The following RPTOR variants were observed in gnomAD, a reference collection of about 807,000 sequenced individuals.
RPTOR encodes regulatory associated protein of MTOR complex 1.
RPTOR carries 21 observed loss-of-function variants against 169.9 expected under a neutral mutation model. That is an observed-to-expected ratio of 0.12 (90% CI 0.09 to 0.18). RPTOR has a LOEUF of 0.18. Among genes scored for constraint, RPTOR ranks in the 10% least tolerant of loss-of-function variants. The pLI is 1.00. For missense variants in RPTOR, 1,133 were observed against 1,855.9 expected, an observed-to-expected ratio of 0.61 and a Z score of 7.16; for synonymous variants, 732 against 753.2, an observed-to-expected ratio of 0.97 and a Z score of 0.46.
intron 12 of RPTOR, among the ~76,000 whole-genome samples, chr17:80,857,548 C>G (rs2067867528): frequency 6.6e-6 from 1 of 152,222 alleles, no homozygotes. Flanking sequence ...AAGCTGCCAC[C>G]CGATTCATTC....
rs140815019 is a variant in RPTOR, at chr17:80,834,461, G to A, written c.1137-3461G>A. Reference sequence around the variant, plus strand: ...TCCTCCTGGGCTTTGTGTCATCCCCGCAGCCTCCTGAGCCTCTGTGCATCA... The same window carrying A: ...TCCTCCTGGGCTTTGTGTCATCCCCACAGCCTCCTGAGCCTCTGTGCATCA... On this transcript the variant is annotated intron_variant, in intron 9 of 33. Transcript: ENST00000306801. Among the ~76,000 whole-genome samples, 50 of 152,240 alleles carry A rather than the reference G, an allele frequency of 3.3e-4. 1 individual carries two copies. In the South Asian group the frequency reaches 9.8e-3, roughly 30 times the overall value.
intron 3 of RPTOR, among the ~76,000 whole-genome samples, chr17:80,671,133 A>G (rs1399016085): frequency 6.6e-6 from 1 of 152,052 alleles, no homozygotes; most frequent in African/African-American, 2.4e-5. Context: ...TCCAAGTCAC[A>G]TCCTGCTTCC....
intron 6 of RPTOR, among the ~76,000 whole-genome samples, chr17:80,755,929 A>G (rs1450617804): frequency 6.6e-6 from 1 of 152,150 alleles, no homozygotes; most frequent in Non-Finnish European, 1.5e-5. Flanking sequence ...GCAAAACTAG[A>G]CACCTGAGTA....
intron 6 of RPTOR, among the ~76,000 whole-genome samples, chr17:80,763,768 C>T (rs915740958): frequency 3.3e-5 from 5 of 152,108 alleles, no homozygotes; most frequent in South Asian, 2.1e-4. Context: ...GCAGACCACA[C>T]GCAATGAAGC....
At chr17:80,926,221 C>G (rs2068810171) in intron 24 of RPTOR, among the ~76,000 whole-genome samples, 3 of 152,230 alleles carry the variant, frequency 2.0e-5, no homozygotes, top group African/African-American at 7.2e-5. Flanking sequence ...AGCTCAGTCC[C>G]TGTGGTCCTG....
chr17:80,879,899 C>T (rs1385327595), intron 13 of RPTOR, among the ~76,000 whole-genome samples: 1 of 152,238 alleles, frequency 6.6e-6, no homozygotes, highest in Non-Finnish European at 1.5e-5. Context: ...CAAGTGGGGC[C>T]AGTGGGAAGC....
At chr17:80,932,783 C>T (rs1317581693) in intron 24 of RPTOR, among the ~76,000 whole-genome samples, 1 of 152,034 alleles carries the variant, frequency 6.6e-6, no homozygotes, top group African/African-American at 2.4e-5. Context: ...AGCAAAGATC[C>T]CAAATCATGG....
At chr17:80,911,575 G>C (rs1362456204) in intron 21 of RPTOR, among the ~76,000 whole-genome samples, 1 of 152,124 alleles carries the variant, frequency 6.6e-6, no homozygotes, top group African/African-American at 2.4e-5. Flanking sequence ...CTTGAGCCCA[G>C]GTGTTTTGAG....
At position 80,891,777 on chromosome 17, in the gene RPTOR, G is replaced by A. The variant is rs1329273227; in HGVS notation, c.2041G>A (p.Val681Met). Residue 681 changes from valine to methionine, a missense_variant, in exon 18 of 34, where the codon GTG becomes ATG. Coordinates refer to ENST00000306801, the MANE Select transcript of RPTOR (RefSeq NM_020761.3). ...VVQYESNFCT[V>M]ALQFIEEEKN... ...TCAGTATGAAAGCAATTTCTGCACCGTGGCCCTGCAGTTCATAGAAGAGGA... is the reference window on the plus strand; with the variant it reads ...TCAGTATGAAAGCAATTTCTGCACCATGGCCCTGCAGTTCATAGAAGAGGA... The A allele has an allele frequency of 4.3e-6, 7 of 1,613,940 alleles. No individual in the cohort carries two copies. The highest frequency in any genetic ancestry group is 1.7e-5 in the Admixed American group (1 of 59,992).
intron 5 of RPTOR, among the ~76,000 whole-genome samples, chr17:80,732,990 A>G (rs1486295096): frequency 1.3e-5 from 2 of 152,260 alleles, no homozygotes; most frequent in Admixed American, 1.3e-4. Context: ...GATTAAATAT[A>G]ATGCAAGAAA....
At position 80,633,712 on chromosome 17, in the gene RPTOR, GA is replaced by G. The variant is rs2143558677; in HGVS notation, c.265+7920del. Reference sequence around the variant, plus strand: ...GTATTTTCGGGAAGAAGTGCTTTGAGATTGTGCAAATATTCCTTTCCTCGTG... The same window carrying G: ...GTATTTTCGGGAAGAAGTGCTTTGAGTTGTGCAAATATTCCTTTCCTCGTG... On this transcript the variant is annotated intron_variant, in intron 2 of 33. Coordinates refer to ENST00000306801, the MANE Select transcript of RPTOR (RefSeq NM_020761.3). The surrounding 1 kb of genome is among the most constrained non-coding windows in gnomAD (Gnocchi z 4.1). Among the ~76,000 whole-genome samples the G allele has an allele frequency of 6.6e-6, 1 of 152,356 alleles. No individual in the cohort carries two copies. The highest frequency in any genetic ancestry group is 1.9e-4 in the East Asian group (1 of 5,184).
In RPTOR at chr17:80,767,904, G is replaced by T. The variant is rs866303750; in HGVS notation, c.830+13719G>T. On this transcript the variant is annotated intron_variant, in intron 6 of 33. Coordinates refer to ENST00000306801, the MANE Select transcript of RPTOR (RefSeq NM_020761.3). ...TTTTGAGACAGAGTCTTGCTGTGTCGCCAGGCTGGAGTGCAGTGGTGCAAT... is the reference window on the plus strand; with the variant it reads ...TTTTGAGACAGAGTCTTGCTGTGTCTCCAGGCTGGAGTGCAGTGGTGCAAT... Among the ~76,000 whole-genome samples the T allele has an allele frequency of 5.3e-5, 8 of 151,734 alleles. No homozygotes were observed. The South Asian group carries it at 6.3e-4, about 12-fold the overall frequency.
rs561622160 is a variant in RPTOR, at chr17:80,642,206, G to A, written c.266-1522G>A. Among the ~76,000 whole-genome samples, 457 of 151,802 alleles carry A rather than the reference G, an allele frequency of 3.0e-3. 2 individuals carry two copies. The highest frequency in any genetic ancestry group is 0.01 in the African/African-American group (417 of 41,350). ...GGCTGGAGTGCAGTGGCGTGATCTC[G>A]GCTCACTGCAACCTCTGCCTCCAGG... is the stretch of plus-strand genomic sequence containing the variant. On this transcript the variant is annotated intron_variant, in intron 2 of 33. Transcript: ENST00000306801.
At chr17:80,679,638 T>A (rs1364835544) in intron 3 of RPTOR, among the ~76,000 whole-genome samples, 1 of 152,236 alleles carries the variant, frequency 6.6e-6, no homozygotes, top group East Asian at 1.9e-4. Flanking sequence ...ATTTACTAAC[T>A]TAAATCCTGT....
Position 80,880,614 on chromosome 17 carries a change from G to A in RPTOR, c.1584+125G>A. On this transcript the variant is annotated intron_variant, in intron 14 of 33. Coordinates refer to ENST00000306801, the MANE Select transcript of RPTOR (RefSeq NM_020761.3). Reference sequence around the variant, plus strand: ...AGAAAGGTCAAGGGTCACAGCAGGGGCCACGTCCACGGGGTCAGCAACTGC... The same window carrying A: ...AGAAAGGTCAAGGGTCACAGCAGGGACCACGTCCACGGGGTCAGCAACTGC... 7 of 826,768 alleles carry A rather than the reference G, an allele frequency of 8.5e-6. No homozygotes were observed. The South Asian group carries it at 1.1e-4, about 13-fold the overall frequency. The allele number at this position is 826,768 out of a possible 1,614,324, so 51.2% of individuals were successfully genotyped here.
chr17:80,938,273 C>T (rs766120310), intron 24 of RPTOR, among the ~76,000 whole-genome samples: 19 of 152,240 alleles, frequency 1.2e-4, no homozygotes, highest in South Asian at 6.2e-4. Flanking sequence ...TTCTACCCCC[C>T]ACGTCTGGAT....
intron 2 of RPTOR, among the ~76,000 whole-genome samples, chr17:80,626,272 C>T (rs1599612250): frequency 6.6e-6 from 1 of 151,490 alleles, no homozygotes; most frequent in East Asian, 1.9e-4. Flanking sequence ...AGGATGGTCT[C>T]GATCTCCTGA....
rs534231082 is a variant in RPTOR at position 80,780,557 on chromosome 17, C to T, written c.831-10893C>T. 3.3e-5 allele frequency among the ~76,000 whole-genome samples: 5 copies of T among 152,310 alleles called. No individual in the cohort carries two copies. In the East Asian group the frequency reaches 9.7e-4, roughly 29 times the overall value. Reference sequence around the variant, plus strand: ...AGGGGATTAGTGGAGGACATCTCGGCAGGGCTGCTGTAGGCGGATGTTGTC... The same window carrying T: ...AGGGGATTAGTGGAGGACATCTCGGTAGGGCTGCTGTAGGCGGATGTTGTC... On this transcript the variant is annotated intron_variant, in intron 6 of 33. Coordinates refer to ENST00000306801, the MANE Select transcript of RPTOR (RefSeq NM_020761.3).
Position 80,719,482 on chromosome 17 carries a change from T to G in RPTOR, c.508-11078T>G, listed in dbSNP as rs9897608. On this transcript the variant is annotated intron_variant, in intron 4 of 33. Coordinates refer to ENST00000306801, the MANE Select transcript of RPTOR (RefSeq NM_020761.3). ...TTCTCAGCCCTATTAAAGTGGCATC[T>G]TCTCAGGGCTCGTTCCTGTAAAGCC... Among the ~76,000 whole-genome samples, 8 of 151,956 alleles carry G rather than the reference T, an allele frequency of 5.3e-5. No individual in the cohort carries two copies. In the South Asian group the frequency reaches 1.5e-3, roughly 28 times the overall value.
Sources: gnomAD v4.1 joint callset for allele counts (sites outside exome capture counted in the v4.1 genomes callset) on GRCh38, gnomAD v4.1.1 for gene constraint, Gnocchi (gnomAD v3.1) non-coding constraint, MANE v1.5 for transcripts, NCBI Gene and HGNC (gene_info 2026-07-23, HGNC 2026-07-21) for gene names.